PLS1: variants seen among roughly 807,000 people sequenced by gnomAD.
The protein encoded by PLS1 is plastin 1.
Under a neutral mutation model 73.7 loss-of-function variants are expected in PLS1, and 32 were observed. The observed-to-expected ratio is 0.43, with a 90% CI of 0.33 to 0.58. The LOEUF is 0.58. Ranked by LOEUF, PLS1 falls within the 20% of genes least tolerant of loss-of-function variation. The pLI is 0.04. For missense variants in PLS1, 633 were observed against 740.5 expected, an observed-to-expected ratio of 0.85 and a Z score of 1.68; for synonymous variants, 217 against 261.3, an observed-to-expected ratio of 0.83 and a Z score of 1.63.
At chr3:142,610,301 A>T (rs760661539) in intron 1 of PLS1, among the ~76,000 whole-genome samples, 5 of 152,206 alleles carry the variant, frequency 3.3e-5, no homozygotes, top group African/African-American at 4.8e-5. Flanking sequence ...CACCGTGCAG[A>T]TAGCTCCCCT....
chr3:142,671,190 T>C, intron 4 of PLS1, 68 bp downstream of exon 4: 2 of 1,343,048 alleles, frequency 1.5e-6, no homozygotes, highest in South Asian at 2.4e-5. Context: ...ATTTAATCAG[T>C]TCTAAGATGC....
chr3:142,686,604 A>T (rs771313831), intron 9 of PLS1, among the ~76,000 whole-genome samples: 9 of 152,070 alleles, frequency 5.9e-5, no homozygotes, highest in Non-Finnish European at 7.4e-5. Flanking sequence ...CCTGGTAACT[A>T]CTGTTCTACT....
At chr3:142,623,188 A>G (rs2036349808) in intron 1 of PLS1, among the ~76,000 whole-genome samples, 1 of 152,224 alleles carries the variant, frequency 6.6e-6, no homozygotes, top group Non-Finnish European at 1.5e-5. Context: ...GGAAGCTCAT[A>G]GGGTAGTCCC....
chr3:142,603,907 A>G (rs576260742), intron 1 of PLS1, among the ~76,000 whole-genome samples: 1 of 152,292 alleles, frequency 6.6e-6, no homozygotes, highest in Admixed American at 6.5e-5. Context: ...GGATGGAGAC[A>G]TTAGTAAGGT....
intron 10 of PLS1, among the ~76,000 whole-genome samples, chr3:142,691,020 T>C (rs13091247): frequency 0.39 from 59,737 of 151,918 alleles, 12,759 homozygotes; most frequent in Non-Finnish European, 0.48. Flanking sequence ...GCGGTATTCA[T>C]GATCTCAGTG....
At chr3:142,666,760 C>A (rs116207360) in intron 2 of PLS1, among the ~76,000 whole-genome samples, 236 of 152,302 alleles carry the variant, frequency 1.5e-3, no homozygotes, top group African/African-American at 5.5e-3. Flanking sequence ...TACATTCCCA[C>A]CAGTGGTGTA....
chr3:142,651,054 G>A (rs568979124), intron 1 of PLS1, among the ~76,000 whole-genome samples: 3 of 152,268 alleles, frequency 2.0e-5, no homozygotes, highest in Admixed American at 6.5e-5. Context: ...ATAAAACTGA[G>A]GTTGGGTTTT....
chr3:142,672,953 A>G (rs1300811821), intron 4 of PLS1, among the ~76,000 whole-genome samples: 2 of 152,184 alleles, frequency 1.3e-5, no homozygotes, highest in African/African-American at 4.8e-5. Flanking sequence ...CTCTGCAACC[A>G]TTAAACTGCT....
At chr3:142,709,079 A>T (rs1489892913) in intron 14 of PLS1, among the ~76,000 whole-genome samples, 1 of 152,254 alleles carries the variant, frequency 6.6e-6, no homozygotes, top group African/African-American at 2.4e-5. Context: ...AATCATATAC[A>T]TATATGAAAG....
intron 5 of PLS1, 31 bp from the exon 6 acceptor site, chr3:142,678,001 T>C (rs1560064129): frequency 8.9e-7 from 1 of 1,129,246 alleles, no homozygotes; most frequent in Non-Finnish European, 1.3e-6. Context: ...TCTTGGAGTA[T>C]TAAACTAAAT....
At chr3:142,625,122 C>T (rs1158810328) in intron 1 of PLS1, among the ~76,000 whole-genome samples, 4 of 152,082 alleles carry the variant, frequency 2.6e-5, no homozygotes, top group African/African-American at 9.7e-5. Context: ...CTGTAAAAGG[C>T]ACTATTGCTT....
Position 142,694,499 on chromosome 3 carries a change from A to G in PLS1, c.1208A>G (p.Asn403Ser), listed in dbSNP as rs2038153095. The G allele has an allele frequency of 5.0e-6, 8 of 1,606,312 alleles. No individual in the cohort carries two copies. The highest frequency in any genetic ancestry group is 6.0e-6 in the Non-Finnish European group (7 of 1,173,074). ...AGCAAGGAAGAGAGAACATTTCGGA[A>G]CTGGATGAATTCCTTGGGAGTCAAC... ...GESKEERTFR[N>S]WMNSLGVNPY... Residue 403 changes from asparagine (N) to serine (S), a missense_variant, in exon 11 of 16, where the codon AAC (asparagine) becomes AGC (serine). Asn to Ser is a conservative substitution (Grantham distance 46). Coordinates refer to ENST00000457734, the MANE Select transcript of PLS1 (RefSeq NM_001145319.2).
chr3:142,606,300 A>G (rs2036016772), intron 1 of PLS1, among the ~76,000 whole-genome samples: 1 of 152,128 alleles, frequency 6.6e-6, no homozygotes, highest in East Asian at 1.9e-4. Flanking sequence ...TGAGTATGTT[A>G]TGTCCTGAGG....
At chr3:142,606,633 C>T (rs1028846701) in intron 1 of PLS1, among the ~76,000 whole-genome samples, 3 of 152,134 alleles carry the variant, frequency 2.0e-5, no homozygotes, top group Non-Finnish European at 4.4e-5. Context: ...TAGGCAATGC[C>T]AAATCTACTT....
At chr3:142,701,956 A>G (rs2038340561) in intron 12 of PLS1, among the ~76,000 whole-genome samples, 1 of 152,248 alleles carries the variant, frequency 6.6e-6, no homozygotes, top group Admixed American at 6.5e-5. Flanking sequence ...TTTAAAGTCT[A>G]CATTCTTACA....
rs1221601839 is a variant in PLS1, at chr3:142,670,989, C to T, written c.235-4C>T. ...TTCTCAATTTTACTTATGTTCCATT[C>T]CAGCTAATGCAAGAATTAAAAAGCA... On this transcript the variant is annotated splice_polypyrimidine_tract_variant and splice_region_variant and intron_variant, in intron 3 of 15. Transcript: ENST00000457734. The T allele has an allele frequency of 1.2e-5, 19 of 1,578,962 alleles. No homozygotes were observed. The highest frequency in any genetic ancestry group is 1.7e-5 in the Non-Finnish European group (19 of 1,151,214).
intron 1 of PLS1, among the ~76,000 whole-genome samples, chr3:142,615,141 T>G (rs1459634810): frequency 6.6e-6 from 1 of 152,166 alleles, no homozygotes; most frequent in East Asian, 1.9e-4. Context: ...CCCCAGGTCT[T>G]GGCTTAGTTG....
intron 12 of PLS1, among the ~76,000 whole-genome samples, chr3:142,699,074 G>A (rs2038272019): frequency 6.6e-6 from 1 of 152,134 alleles, no homozygotes; most frequent in Non-Finnish European, 1.5e-5. Context: ...ACACAGGGAG[G>A]GGAACATCAC....
chr3:142,602,651 C>G (rs952583581), intron 1 of PLS1, among the ~76,000 whole-genome samples: 3 of 152,008 alleles, frequency 2.0e-5, no homozygotes, highest in African/African-American at 7.3e-5. Context: ...ATGTGCTCCT[C>G]TCCCTCCTCT....
Sources: gnomAD v4.1 joint callset for allele counts (sites outside exome capture counted in the v4.1 genomes callset) on GRCh38, gnomAD v4.1.1 for gene constraint, MANE v1.5 for transcripts, NCBI Gene and HGNC (gene_info 2026-07-23, HGNC 2026-07-21) for gene names.